Variants in MAK16 observed in about 807,000 individuals in gnomAD.
The protein encoded by MAK16 is protein MAK16 homolog.
A neutral mutation model predicts 49.9 loss-of-function variants in MAK16; 12 were observed. The observed-to-expected ratio is 0.24, with a 90% confidence interval of 0.15 to 0.39. MAK16 has a LOEUF of 0.39. Among genes scored for constraint, MAK16 ranks in the 10% least tolerant of loss-of-function variants. The pLI, the probability that MAK16 is intolerant of heterozygous loss-of-function variation, is 1.00. For missense variants in MAK16, 292 were observed against 363.7 expected (o/e 0.80, Z 1.60); for synonymous variants, 115 against 126.4 (o/e 0.91, Z 0.60).
intron 1 of MAK16, chr8:33,485,426 C>A: frequency 1.5e-6 from 1 of 656,896 alleles, no homozygotes; most frequent in South Asian, 1.7e-5. Context: ...GGGTTGTGAG[C>A]ACAGGACTCC....
chr8:33,493,744 C>T (rs1808813394), intron 6 of MAK16, among the ~76,000 whole-genome samples: 1 of 152,060 alleles, frequency 6.6e-6, no homozygotes, highest in African/African-American at 2.4e-5. Flanking sequence ...CTATTTTCAC[C>T]AATTGAGTTT....
At chr8:33,495,842 G>T (rs933636960) in intron 7 of MAK16, among the ~76,000 whole-genome samples, 7 of 151,202 alleles carry the variant, frequency 4.6e-5, no homozygotes, top group Non-Finnish European at 5.9e-5. Context: ...TCAGCCTCCT[G>T]AGTAGTTGGG....
At chr8:33,486,467 A>G (rs1311912684) in intron 1 of MAK16, among the ~76,000 whole-genome samples, 3 of 152,194 alleles carry the variant, frequency 2.0e-5, no homozygotes, top group Admixed American at 6.5e-5. Flanking sequence ...CAGAAGGACT[A>G]CTTGAGCCGA....
intron 9 of MAK16, among the ~76,000 whole-genome samples, chr8:33,497,623 G>C (rs1234270431): frequency 6.6e-6 from 1 of 151,852 alleles, no homozygotes; most frequent in African/African-American, 2.4e-5. Flanking sequence ...CTCCCAAGTA[G>C]CTGGAATTAC....
Position 33,495,591 on chromosome 8 carries a change from T to C in MAK16, c.497T>C (p.Leu166Ser). ...CTGGACAATGCCATTGAGAAGGAAT[T>C]ACTGGAGAGACTGAAACAAGATACG... ...AQLDNAIEKE[L>S]LERLKQDTYG... is the part of the protein sequence containing the mutation. Residue 166 changes from leucine (L) to serine (S), a missense_variant, in exon 7 of 10, where the codon TTA becomes TCA. Coordinates refer to ENST00000360128, the MANE Select transcript of MAK16 (RefSeq NM_032509.4). 6.2e-7 allele frequency: 1 copy of C among 1,613,486 alleles called. No individual in the cohort carries two copies. Among genetic ancestry groups the C allele is most frequent in the Non-Finnish European group, 8.5e-7 (1 of 1,179,862 alleles).
rs1808978155 is a variant in MAK16, at chr8:33,499,343, ATTC to A, written c.*721_*723del. 8.7e-7 allele frequency: 1 copy of A among 1,147,632 alleles called. No homozygotes were observed. Among genetic ancestry groups the A allele is most frequent in the East Asian group, 2.4e-5 (1 of 41,854 alleles). 71.1% of individuals were successfully genotyped at this position (1,147,632 alleles called of 1,614,324 possible). A position where few individuals can be genotyped will look rare whatever the true frequency, so the allele number is the denominator to read the frequency against. ...TTTAATTACTTTCCCCTTTTGCTTG[ATTC>A]TTCTTCCTTGGTATCATATTCAAAG... On this transcript the variant is annotated 3_prime_UTR_variant, in exon 10 of 10. Coordinates refer to ENST00000360128, the MANE Select transcript of MAK16 (RefSeq NM_032509.4).
At position 33,488,756 on chromosome 8, in the gene MAK16, G is replaced by C; in HGVS notation, c.198G>C (p.Lys66Asn). The part of the protein sequence containing the change: ...EEKGQCYLYM[K>N]VIERAAFPRR... Reference sequence around the variant, plus strand: ...CAGGACAGTGCTACTTGTATATGAAGGTTATAGAACGAGCGGCTTTTCCTC... The same window carrying C: ...CAGGACAGTGCTACTTGTATATGAACGTTATAGAACGAGCGGCTTTTCCTC... Residue 66 changes from lysine to asparagine, a missense_variant, in exon 4 of 10, where the codon AAG (lysine) becomes AAC (asparagine). By Grantham distance (94) the Lys-to-Asn change is moderately conservative. Transcript: ENST00000360128. 6.2e-7 allele frequency: 1 copy of C among 1,614,220 alleles called. No homozygotes were observed. The highest frequency in any genetic ancestry group is 2.2e-5 in the East Asian group (1 of 44,886).
intron 6 of MAK16, among the ~76,000 whole-genome samples, chr8:33,493,918 GT>G (rs35536101): frequency 0.071 from 10,245 of 144,404 alleles, 644 homozygotes; most frequent in African/African-American, 0.18. Context: ...CACAGAACAA[GT>G]TTTTTTTTTT....
Position 33,501,260 on chromosome 8 carries a change from A to T in MAK16, c.*2631A>T, listed in dbSNP as rs1809068257. ...TGTACAATAAATCATATTTATGGAC[A>T]GATGCGTGACTGGGAGAAAAAAGTT... is the stretch of plus-strand genomic sequence containing the variant. On this transcript the variant is annotated 3_prime_UTR_variant, in exon 10 of 10. Transcript: ENST00000360128. 6.6e-6 allele frequency: 1 copy of T among 152,254 alleles called. No individual in the cohort carries two copies. Among genetic ancestry groups the T allele is most frequent in the Non-Finnish European group, 1.5e-5 (1 of 68,046 alleles). The allele number at this position is 152,254 out of a possible 1,614,324, so 9.4% of individuals were successfully genotyped here.
intron 6 of MAK16, 142 bp from the exon 7 acceptor site, chr8:33,495,400 G>T: frequency 3.0e-6 from 2 of 662,164 alleles, no homozygotes; most frequent in Non-Finnish European, 5.2e-6. Context: ...CTATCTCGTT[G>T]GAAAGGCAAA....
chr8:33,485,488 C>T, intron 1 of MAK16: 1 of 529,252 alleles, frequency 1.9e-6, no homozygotes, highest in South Asian at 2.3e-5. Context: ...CCTACCAATG[C>T]AGGACGTCGC....
chr8:33,500,476 A>C lies in MAK16; in HGVS notation c.*1847A>C, dbSNP rs3736497. ...CAAGAGGGCCTTCAGTAAGACCACAAGTCTGCAGGAAACTCTGGAATCAGG... is the reference window on the plus strand; with the variant it reads ...CAAGAGGGCCTTCAGTAAGACCACACGTCTGCAGGAAACTCTGGAATCAGG... On this transcript the variant is annotated 3_prime_UTR_variant, in exon 10 of 10. Transcript: ENST00000360128. 3.4e-4 allele frequency: 544 copies of C among 1,614,162 alleles called. 2 individuals carry two copies. In the East Asian group the frequency reaches 0.011, roughly 32 times the overall value.
At chr8:33,485,465 C>G in intron 1 of MAK16, 1 of 586,240 alleles carries the variant, frequency 1.7e-6, no homozygotes, top group East Asian at 2.9e-5. Flanking sequence ...GTCGATGTGT[C>G]CCGTCCTTCG....
rs764259399 is a variant in MAK16 at position 33,497,266 on chromosome 8, A to G, written c.674A>G (p.Glu225Gly). 1 of 1,583,720 alleles carries G rather than the reference A, an allele frequency of 6.3e-7. No individual in the cohort carries two copies. ...VGKREFVEDG[E>G]VDESDISDFE... Reference sequence around the variant, plus strand: ...AAAAGAGAATTTGTCGAAGATGGTGAGGTAGATGAGAGTGACATAAGTGAT... The same window carrying G: ...AAAAGAGAATTTGTCGAAGATGGTGGGGTAGATGAGAGTGACATAAGTGAT... Residue 225 changes from glutamate to glycine, a missense_variant, in exon 9 of 10, where the codon GAG becomes GGG. Glu to Gly is a moderately conservative substitution (Grantham distance 98). Coordinates refer to ENST00000360128, the MANE Select transcript of MAK16 (RefSeq NM_032509.4).
intron 4 of MAK16, 87 bp from the exon 5 acceptor site, chr8:33,488,900 TC>T (rs1230650492): frequency 3.8e-5 from 61 of 1,600,630 alleles, no homozygotes; most frequent in Middle Eastern, 3.3e-4. Context: ...TTTGAGGCCA[TC>T]CTCATTAGGC....
At chr8:33,486,499 C>G (rs1478906726) in intron 1 of MAK16, among the ~76,000 whole-genome samples, 12 of 152,208 alleles carry the variant, frequency 7.9e-5, no homozygotes, top group Admixed American at 7.9e-4. Flanking sequence ...CTGCAGTGAG[C>G]TATGATGGCA....
Position 33,500,801 on chromosome 8 carries a change from C to G in MAK16, c.*2172C>G, listed in dbSNP as rs1439033118. The stretch of plus-strand genomic sequence containing the variant: ...TGAGAAGGGGAAACCAGGATCTCCC[C>G]AACCAAGGGCCTATACTTTTATTTT... On this transcript the variant is annotated 3_prime_UTR_variant, in exon 10 of 10. Coordinates refer to ENST00000360128, the MANE Select transcript of MAK16 (RefSeq NM_032509.4). 3 of 300,110 alleles carry G rather than the reference C, an allele frequency of 1.0e-5. No homozygotes were observed. The highest frequency in any genetic ancestry group is 1.9e-5 in the Non-Finnish European group (3 of 157,936). 18.6% of individuals were successfully genotyped at this position (300,110 alleles called of 1,614,324 possible).
In MAK16 at chr8:33,499,807, G is replaced by A. The variant is rs1424478292; in HGVS notation, c.*1178G>A. Reference sequence around the variant, plus strand: ...TTTATTAAATACATAGAAGTACACAGCTATTATATGCTGTGGCTTTGAGAA... The same window carrying A: ...TTTATTAAATACATAGAAGTACACAACTATTATATGCTGTGGCTTTGAGAA... On this transcript the variant is annotated 3_prime_UTR_variant, in exon 10 of 10. Transcript: ENST00000360128. 2 of 158,528 alleles carry A rather than the reference G, an allele frequency of 1.3e-5. No individual in the cohort carries two copies. The highest frequency in any genetic ancestry group is 4.8e-5 in the African/African-American group (2 of 41,430). 9.8% of individuals were successfully genotyped at this position (158,528 alleles called of 1,614,324 possible). A position where few individuals can be genotyped will look rare whatever the true frequency, so the allele number is the denominator to read the frequency against.
chr8:33,494,659 A>C (rs7828592), intron 6 of MAK16, among the ~76,000 whole-genome samples: 65 of 152,308 alleles, frequency 4.3e-4, no homozygotes, highest in African/African-American at 1.5e-3. Context: ...AGTAGTAATG[A>C]TGTTAAATTT....
Sources: gnomAD v4.1 joint callset for allele counts (sites outside exome capture counted in the v4.1 genomes callset) on GRCh38, gnomAD v4.1.1 for gene constraint, MANE v1.5 for transcripts, NCBI Gene and HGNC (gene_info 2026-07-23, HGNC 2026-07-21) for gene names.